The following BLM variants were observed in gnomAD, a reference collection of about 807,000 sequenced individuals.
BLM encodes the protein BLM RecQ like helicase, also known as recQ-like DNA helicase BLM.
In BLM, 95 loss-of-function variants were observed where a neutral mutation model predicts 135.3. The ratio of observed to expected loss-of-function variants is 0.70; its 90% CI spans 0.59 to 0.83. The LOEUF (loss-of-function observed/expected upper bound fraction) is 0.83. BLM is among the 40% of genes least tolerant of loss of function. The pLI, the probability that BLM is intolerant of heterozygous loss-of-function variation, is 0.00. For missense variants in BLM, 1,518 were observed against 1,663.9 expected, an observed-to-expected ratio of 0.91 and a Z score of 1.53; for synonymous variants, 520 against 589.2, an observed-to-expected ratio of 0.88 and a Z score of 1.70.
intron 1 of BLM, among the ~76,000 whole-genome samples, chr15:90,735,240 T>TATATATAC (rs1895180066): frequency 1.5e-5 from 1 of 65,916 alleles, no homozygotes; most frequent in Non-Finnish European, 3.0e-5. Context: ...TAAGTTAATA[T>TATATATAC]ATATATATAT....
intron 13 of BLM, among the ~76,000 whole-genome samples, chr15:90,783,530 T>A (rs926657692): frequency 1.3e-5 from 2 of 152,180 alleles, no homozygotes; most frequent in Non-Finnish European, 2.9e-5. Context: ...GAGAGATGAC[T>A]TTTCCTTTAA....
At chr15:90,799,925 C>T (rs1468098357) in intron 17 of BLM, among the ~76,000 whole-genome samples, 1 of 152,100 alleles carries the variant, frequency 6.6e-6, no homozygotes, top group Admixed American at 6.6e-5. Context: ...AAACAAATGA[C>T]TGTTAGGAAA....
chr15:90,729,187 G>A (rs1410900224), intron 1 of BLM, among the ~76,000 whole-genome samples: 1 of 152,090 alleles, frequency 6.6e-6, no homozygotes, highest in African/African-American at 2.4e-5. Flanking sequence ...GTACGCGCTT[G>A]TAATCCCAGC....
chr15:90,808,195 C>G (rs907538060), intron 19 of BLM, among the ~76,000 whole-genome samples: 17 of 152,174 alleles, frequency 1.1e-4, no homozygotes, highest in Non-Finnish European at 1.3e-4. Context: ...TTCTTCCTGC[C>G]TCTCCTACTT....
In BLM at chr15:90,744,659, C is replaced by T. The variant is rs889697232; in HGVS notation, c.-4-2730C>T. 5.3e-5 allele frequency among the ~76,000 whole-genome samples: 8 copies of T among 151,976 alleles called. No homozygotes were observed. The East Asian group carries it at 5.8e-4, about 11-fold the overall frequency. ...TGCTGGGATTACAGGCGTGAGCCAC[C>T]GTGCCCAGCCAAGATCAATACTTTT... On this transcript the variant is annotated intron_variant, in intron 1 of 21. Coordinates refer to ENST00000355112, the MANE Select transcript of BLM (RefSeq NM_000057.4).
intron 5 of BLM, among the ~76,000 whole-genome samples, chr15:90,758,726 C>T (rs1008619898): frequency 6.6e-6 from 1 of 152,122 alleles, no homozygotes; most frequent in African/African-American, 2.4e-5. Context: ...TGAAATCTGT[C>T]TTTCTTTATA....
chr15:90,723,152 A>G (rs566183307), intron 1 of BLM, among the ~76,000 whole-genome samples: 455 of 152,114 alleles, frequency 3.0e-3, no homozygotes, highest in Non-Finnish European at 5.5e-3. Context: ...CTATTGTCCC[A>G]ATTTTTGTGA....
intron 18 of BLM, 75 bp downstream of exon 18, chr15:90,803,795 C>A: frequency 7.0e-7 from 1 of 1,434,886 alleles, no homozygotes; most frequent in African/African-American, 1.4e-5. Flanking sequence ...AGTATAGTGT[C>A]TTTGTCCAAG....
At chr15:90,802,612 C>A (rs1228545960) in intron 17 of BLM, among the ~76,000 whole-genome samples, 1 of 152,048 alleles carries the variant, frequency 6.6e-6, no homozygotes, top group Non-Finnish European at 1.5e-5. Context: ...GTTTTGATAA[C>A]CAGGGCCAGG....
rs763118109 is a variant in BLM at position 90,760,936 on chromosome 15, A to C, written c.1563A>C (p.Pro521=). The C allele has an allele frequency of 6.2e-7, 1 of 1,614,100 alleles. No homozygotes were observed. The highest frequency in any genetic ancestry group is 1.3e-5 in the African/African-American group (1 of 75,066). Residue 521 remains proline (P), a synonymous_variant, in exon 7 of 22, where the codon CCA becomes CCC. Transcript: ENST00000355112. ...AAAAAAATGAAAGCTCTTATTTCCC[A>C]GGAAATGTTCTCACAAGCACTGCTG... ...LGKKNESSYF[P]GNVLTSTAVK... is the part of the protein sequence containing the mutation.
chr15:90,767,246 A>C (rs1896159401), intron 10 of BLM, among the ~76,000 whole-genome samples: 1 of 152,182 alleles, frequency 6.6e-6, no homozygotes, highest in Admixed American at 6.5e-5. Context: ...GTATCCTTTT[A>C]AGCCCTAAGT....
chr15:90,769,099 G>C, intron 10 of BLM, 34 bp from the exon 11 acceptor site: 1 of 1,467,184 alleles, frequency 6.8e-7, no homozygotes, highest in East Asian at 2.3e-5. Flanking sequence ...ATGTGTTTCA[G>C]TGTTTTTACA....
At position 90,785,004 on chromosome 15, in the gene BLM, C is replaced by G. The variant is rs1424143421; in HGVS notation, c.2746C>G (p.Leu916Val). 2.5e-6 allele frequency: 4 copies of G among 1,614,046 alleles called. No homozygotes were observed. Among genetic ancestry groups the G allele is most frequent in the Non-Finnish European group, 3.4e-6 (4 of 1,180,050 alleles). ...DTLQRDGLAA[L>V]AYHAGLSDSA... ...GTTACAGAGAGATGGGCTCGCTGCT[C>G]TTGCTTACCATGCTGGCCTCAGTGA... Residue 916 changes from leucine to valine, a missense_variant, in exon 14 of 22, where the codon CTT (leucine) becomes GTT (valine). Transcript: ENST00000355112.
rs143758466 is a variant in BLM, at chr15:90,773,379, G to A, written c.2555+3793G>A. On this transcript the variant is annotated intron_variant, in intron 12 of 21. Transcript: ENST00000355112. ...AGGTTGCAGTGATCCAAGATCATAC[G>A]ACTGCACTCCAGCCTGGGTGATAGA... 4.6e-5 allele frequency among the ~76,000 whole-genome samples: 7 copies of A among 151,854 alleles called. No individual in the cohort carries two copies. The East Asian group carries it at 5.8e-4, about 13-fold the overall frequency.
At chr15:90,723,372 G>T (rs113882719) in intron 1 of BLM, among the ~76,000 whole-genome samples, 9 of 146,720 alleles carry the variant, frequency 6.1e-5, no homozygotes, top group African/African-American at 2.3e-4. Context: ...TAGTAATTTT[G>T]GCTGGGCATG....
At chr15:90,772,526 A>T (rs1427164551) in intron 12 of BLM, among the ~76,000 whole-genome samples, 3 of 152,176 alleles carry the variant, frequency 2.0e-5, no homozygotes, top group Admixed American at 6.5e-5. Context: ...TATTTTCCTC[A>T]TTCTACAGGT....
intron 5 of BLM, among the ~76,000 whole-genome samples, chr15:90,758,656 C>T (rs777341389): frequency 3.3e-5 from 5 of 152,124 alleles, no homozygotes; most frequent in Non-Finnish European, 5.9e-5. Context: ...CCCATCTCTC[C>T]GGGTCAAACC....
rs767396776 is a variant in BLM, at chr15:90,777,149, A to G, written c.2556-5673A>G. Among the ~76,000 whole-genome samples the G allele has an allele frequency of 6.7e-4, 88 of 131,776 alleles. 1 individual carries two copies. Among genetic ancestry groups the G allele is most frequent in the Middle Eastern group, 4.5e-3 (1 of 222 alleles). The allele number at this position is 131,776 out of a possible 152,430, so 86.5% of individuals were successfully genotyped here. A position where few individuals can be genotyped will look rare whatever the true frequency, so the allele number is the denominator to read the frequency against. ...CATACTACCATGCCTGGCTGGCTTC[A>G]TTTTCCTTTTCTTTTTTGAGGGGGG... On this transcript the variant is annotated intron_variant, in intron 12 of 21. Coordinates refer to ENST00000355112, the MANE Select transcript of BLM (RefSeq NM_000057.4).
At chr15:90,733,799 C>T (rs956940857) in intron 1 of BLM, among the ~76,000 whole-genome samples, 1 of 152,144 alleles carries the variant, frequency 6.6e-6, no homozygotes, top group South Asian at 2.1e-4. Flanking sequence ...CCTTCTTGCT[C>T]TCTTCTTGCC....
Sources: allele counts gnomAD v4.1 joint callset (sites outside exome capture counted in the v4.1 genomes callset), GRCh38; gene constraint gnomAD v4.1.1; transcripts MANE v1.5; gene names NCBI Gene and HGNC (gene_info 2026-07-23, HGNC 2026-07-21).